The following MTFR1 variants were observed in gnomAD, a reference collection of about 807,000 sequenced individuals.
MTFR1 encodes the protein mitochondrial fission regulator 1.
A neutral mutation model predicts 38.8 loss-of-function variants in MTFR1; 28 were observed. That is an observed-to-expected ratio of 0.72 (90% CI 0.53 to 0.99). MTFR1 has a LOEUF of 0.99. Among genes scored for constraint, MTFR1 ranks in the 50% least tolerant of loss-of-function variants. The pLI, the probability that MTFR1 is intolerant of heterozygous loss-of-function variation, is 0.00. For missense variants in MTFR1, 358 were observed against 395.5 expected (o/e 0.91, Z 0.81); for synonymous variants, 145 against 137.0 (o/e 1.06, Z -0.41).
intron 3 of MTFR1, chr8:65,739,527 A>G: frequency 1.3e-6 from 2 of 1,569,772 alleles, no homozygotes; most frequent in Non-Finnish European, 1.7e-6. Context: ...GTTTCATCAT[A>G]TCTAAATGGA....
At chr8:65,684,557 G>A (rs1657700687) in intron 3 of MTFR1, among the ~76,000 whole-genome samples, 1 of 151,504 alleles carries the variant, frequency 6.6e-6, no homozygotes, top group African/African-American at 2.4e-5. Context: ...GGCTAATTTT[G>A]TATTTTTAAT....
Position 65,709,004 on chromosome 8 carries a change from G to C in MTFR1, c.962G>C (p.Gly321Ala). The C allele has an allele frequency of 6.2e-7, 1 of 1,613,932 alleles. No homozygotes were observed. The highest frequency in any genetic ancestry group is 8.5e-7 in the Non-Finnish European group (1 of 1,179,872). ...LFGPHMLKPT[G>A]KMKALIENVS... ...GGGCCACACATGTTGAAGCCAACAG[G>C]AAAAATGAAGGCTTTAATTGAAAAT... The change falls in exon 8 of 8, where the codon GGA becomes GCA. Residue 321 changes from glycine (G) to alanine (A), a missense_variant. By Grantham distance (60) the Gly-to-Ala change is moderately conservative. Transcript: ENST00000262146.
chr8:65,702,446 C>T (rs1805645615), intron 4 of MTFR1, among the ~76,000 whole-genome samples: 1 of 151,852 alleles, frequency 6.6e-6, no homozygotes, highest in Non-Finnish European at 1.5e-5. Context: ...ATTACAGGCA[C>T]CCGCCAACAC....
intron 3 of MTFR1, chr8:65,720,591 A>G (rs1239991251): frequency 6.5e-6 from 1 of 154,088 alleles, no homozygotes; most frequent in Non-Finnish European, 1.5e-5. Context: ...ATTATGTACA[A>G]TATGTGCAAT....
At chr8:65,644,808 A>C (rs890381274) in intron 1 of MTFR1, 24 bp downstream of exon 1, 1 of 152,740 alleles carries the variant, frequency 6.5e-6, no homozygotes, top group African/African-American at 2.4e-5. Context: ...GAACTCGGAA[A>C]AGCGGTTGGC....
chr8:65,739,816 C>T (rs1477003139), intron 3 of MTFR1, among the ~76,000 whole-genome samples: 2 of 152,122 alleles, frequency 1.3e-5, no homozygotes, highest in South Asian at 2.1e-4. Context: ...TACTTTTCCA[C>T]AACCAAAGAA....
chr8:65,713,145 T>A (rs1026346928), downstream of MTFR1, among the ~76,000 whole-genome samples: 1 of 152,152 alleles, frequency 6.6e-6, no homozygotes, highest in African/African-American at 2.4e-5. Flanking sequence ...AAATCTAATA[T>A]TAAAAACAGG....
intron 1 of MTFR1, among the ~76,000 whole-genome samples, chr8:65,655,954 A>ATATATATATATGTG (rs1563432774): frequency 2.0e-4 from 6 of 29,802 alleles, no homozygotes; most frequent in South Asian, 7.2e-4. Flanking sequence ...AAAAAAAAAT[A>ATATATATATATGTG]TATATATATA....
intron 1 of MTFR1, among the ~76,000 whole-genome samples, chr8:65,645,692 T>TGGGGGG: frequency 2.4e-5 from 2 of 83,174 alleles, no homozygotes; most frequent in East Asian, 1.1e-3. Context: ...CGCCCGGCTT[T>TGGGGGG]CCCCCCCCCC....
chr8:65,711,284 T>C (rs1805936351), downstream of MTFR1, among the ~76,000 whole-genome samples: 1 of 152,092 alleles, frequency 6.6e-6, no homozygotes, highest in Middle Eastern at 3.4e-3. Flanking sequence ...ACATAAGACT[T>C]GTGTCTTCTT....
Position 65,707,933 on chromosome 8 carries a change from G to A in MTFR1, c.855G>A (p.Arg285=). The A allele has an allele frequency of 6.2e-7, 1 of 1,614,050 alleles. No homozygotes were observed. The highest frequency in any genetic ancestry group is 8.5e-7 in the Non-Finnish European group (1 of 1,179,968). Reference sequence around the variant, plus strand: ...CTCTGAAAAAGAAATTTGCTTATCGGTATCGAAGTGATAGCCAAGATGAAG... The same window carrying A: ...CTCTGAAAAAGAAATTTGCTTATCGATATCGAAGTGATAGCCAAGATGAAG... ...AEALKKKFAY[R]YRSDSQDEVE... Residue 285 remains arginine, a synonymous_variant, in exon 7 of 8, where the codon CGG becomes CGA. Coordinates refer to ENST00000262146, the MANE Select transcript of MTFR1 (RefSeq NM_014637.4).
intron 3 of MTFR1, among the ~76,000 whole-genome samples, chr8:65,750,110 C>G (rs1807864744): frequency 6.6e-6 from 1 of 152,124 alleles, no homozygotes; most frequent in Non-Finnish European, 1.5e-5. Flanking sequence ...TACAGTTTTA[C>G]CAGAGTATGT....
intron 2 of MTFR1, among the ~76,000 whole-genome samples, chr8:65,673,874 C>G (rs1166824594): frequency 6.6e-6 from 1 of 152,048 alleles, no homozygotes; most frequent in African/African-American, 2.4e-5. Flanking sequence ...CCACTGCACT[C>G]CAGCCTGGGC....
At chr8:65,750,186 A>G (rs1455936102) in intron 3 of MTFR1, among the ~76,000 whole-genome samples, 7 of 152,218 alleles carry the variant, frequency 4.6e-5, no homozygotes, top group African/African-American at 1.7e-4. Flanking sequence ...TATCATCTCC[A>G]TTTTACAAAT....
At chr8:65,676,512 C>T (rs1208665985) in intron 2 of MTFR1, among the ~76,000 whole-genome samples, 14 of 152,044 alleles carry the variant, frequency 9.2e-5, no homozygotes, top group South Asian at 4.2e-4. Flanking sequence ...TACAGGTGCC[C>T]GCCATCACCC....
intron 5 of MTFR1, among the ~76,000 whole-genome samples, chr8:65,706,619 TGTTA>T (rs1435300182): frequency 6.6e-6 from 1 of 152,198 alleles, no homozygotes; most frequent in Non-Finnish European, 1.5e-5. Flanking sequence ...GTCACAAATT[TGTTA>T]GTTTTCTCAA....
At chr8:65,651,512 G>A (rs771342219) in intron 1 of MTFR1, among the ~76,000 whole-genome samples, 39 of 152,100 alleles carry the variant, frequency 2.6e-4, no homozygotes, top group Non-Finnish European at 4.0e-4. Context: ...TTCATTCTTC[G>A]GTATGTGGAT....
chr8:65,696,811 C>T (rs1473953936), intron 4 of MTFR1, among the ~76,000 whole-genome samples: 2 of 151,554 alleles, frequency 1.3e-5, no homozygotes, highest in African/African-American at 4.9e-5. Flanking sequence ...CAGGTATGTG[C>T]CACCATACCT....
intron 3 of MTFR1, among the ~76,000 whole-genome samples, chr8:65,734,598 T>C (rs1223355925): frequency 2.6e-5 from 4 of 152,100 alleles, no homozygotes; most frequent in South Asian, 2.1e-4. Flanking sequence ...AGCCTCTCTC[T>C]CAACAACCAC....
Sources: allele counts gnomAD v4.1 joint callset (sites outside exome capture counted in the v4.1 genomes callset), GRCh38; gene constraint gnomAD v4.1.1; transcripts MANE v1.5; gene names NCBI Gene and HGNC (gene_info 2026-07-23, HGNC 2026-07-21).